Variants in CAND2 observed in about 807,000 individuals in gnomAD.
CAND2 encodes the protein cullin associated and neddylation dissociated 2 (putative).
In CAND2, 62 loss-of-function variants were observed where a neutral mutation model predicts 98.9. The observed-to-expected ratio is 0.63, with a 90% CI of 0.51 to 0.77. The LOEUF (loss-of-function observed/expected upper bound fraction) is 0.77, where lower values mean the gene tolerates loss of function less well. Ranked by LOEUF, CAND2 falls within the 30% of genes least tolerant of loss-of-function variation. The pLI is 0.00. For missense variants in CAND2, 1,501 were observed against 1,655.2 expected, an observed-to-expected ratio of 0.91 and a Z score of 1.62; for synonymous variants, 770 against 731.9, an observed-to-expected ratio of 1.05 and a Z score of -0.84.
intron 14 of CAND2, among the ~76,000 whole-genome samples, chr3:12,833,226 G>A (rs571052489): frequency 1.3e-5 from 2 of 152,306 alleles, no homozygotes; most frequent in South Asian, 4.1e-4. Context: ...GGAGATGGTG[G>A]GGGAAGAGGA....
At chr3:12,831,709 G>A in intron 14 of CAND2, 137 bp downstream of exon 14, 1 of 606,660 alleles carries the variant, frequency 1.6e-6, no homozygotes, top group Non-Finnish European at 2.9e-6. Flanking sequence ...CATTGTCATT[G>A]CCCTATAAAG....
At chr3:12,833,659 A>T in intron 14 of CAND2, 96 bp from the exon 15 acceptor site, 1 of 936,692 alleles carries the variant, frequency 1.1e-6, no homozygotes, top group Non-Finnish European at 1.7e-6. Flanking sequence ...GTTGGGGAAG[A>T]TGATGGGGCA....
intron 1 of CAND2, among the ~76,000 whole-genome samples, chr3:12,800,202 C>T (rs766296691): frequency 6.6e-5 from 10 of 152,238 alleles, no homozygotes; most frequent in African/African-American, 9.6e-5. Flanking sequence ...ATGCTGCCAG[C>T]CCAGCCTCCT....
chr3:12,820,979 A>T (rs1217120175), intron 11 of CAND2, among the ~76,000 whole-genome samples: 12 of 152,192 alleles, frequency 7.9e-5, no homozygotes, highest in Non-Finnish European at 1.3e-4. Flanking sequence ...CTCGCCTGTA[A>T]TCCCAGCACT....
At position 12,817,545 on chromosome 3, in the gene CAND2, G is replaced by T. The variant is rs765718695; in HGVS notation, c.2613G>T (p.Gly871=). 1.2e-6 allele frequency: 2 copies of T among 1,613,784 alleles called. No individual in the cohort carries two copies. The highest frequency in any genetic ancestry group is 1.7e-6 in the Non-Finnish European group (2 of 1,180,028). The change falls in exon 10 of 15, where the codon GGG becomes GGT. Residue 871 remains glycine, a synonymous_variant. Transcript: ENST00000456430. ...AGGCGGTGCTCCTGGAAGCTTTGGG[G>T]TCACCCAGTGAGGATGTGAGGGCTG... The part of the protein sequence containing the change: ...ELKAVLLEAL[G]SPSEDVRAAA...
At chr3:12,827,878 G>A (rs2062017037) in intron 13 of CAND2, among the ~76,000 whole-genome samples, 1 of 152,068 alleles carries the variant, frequency 6.6e-6, no homozygotes, top group Non-Finnish European at 1.5e-5. Flanking sequence ...AGCACTTTGG[G>A]AGGCTGAGGC....
intron 13 of CAND2, among the ~76,000 whole-genome samples, chr3:12,829,932 C>T (rs528721899): frequency 6.6e-6 from 1 of 152,330 alleles, no homozygotes; most frequent in South Asian, 2.1e-4. Context: ...ATGTTATTTG[C>T]ACATTTTCAC....
intron 5 of CAND2, among the ~76,000 whole-genome samples, chr3:12,812,661 C>A (rs926817854): frequency 2.0e-5 from 3 of 152,020 alleles, no homozygotes; most frequent in Non-Finnish European, 4.4e-5. Flanking sequence ...GCCTCGGCCT[C>A]CCATAGTGCT....
intron 11 of CAND2, among the ~76,000 whole-genome samples, chr3:12,822,406 C>T (rs1036969690): frequency 2.0e-5 from 3 of 151,932 alleles, no homozygotes; most frequent in Non-Finnish European, 4.4e-5. Context: ...AATCCTCCCA[C>T]TTGAGCCTCC....
At chr3:12,797,887 C>T (rs1298768853) in intron 1 of CAND2, among the ~76,000 whole-genome samples, 1 of 152,086 alleles carries the variant, frequency 6.6e-6, no homozygotes, top group Non-Finnish European at 1.5e-5. Context: ...CAGACCTGCT[C>T]TGGTGGTCTG....
In CAND2 at chr3:12,833,874, C is replaced by T. The variant is rs779513032; in HGVS notation, c.3603C>T (p.Ala1201=). The T allele has an allele frequency of 1.2e-5, 19 of 1,614,068 alleles. No individual in the cohort carries two copies. Among genetic ancestry groups the T allele is most frequent in the South Asian group, 2.2e-5 (2 of 91,082 alleles). ...IPEVGKSPIM[A]DFSSQIRSNP... ...AGGTGGGGAAAAGCCCCATCATGGCCGACTTCTCTTCCCAAATCAGATCCA... is the reference window on the plus strand; with the variant it reads ...AGGTGGGGAAAAGCCCCATCATGGCTGACTTCTCTTCCCAAATCAGATCCA... Residue 1201 remains alanine (A), a synonymous_variant, in exon 15 of 15, where the codon GCC becomes GCT. Coordinates refer to ENST00000456430, the MANE Select transcript of CAND2 (RefSeq NM_001162499.2).
At chr3:12,814,787 G>A (rs763389078) in intron 7 of CAND2, among the ~76,000 whole-genome samples, 2 of 152,150 alleles carry the variant, frequency 1.3e-5, no homozygotes, top group Non-Finnish European at 2.9e-5. Context: ...AGGGTCTGGA[G>A]GCAGAGGGGA....
chr3:12,804,832 G>T (rs2061794092), intron 2 of CAND2, among the ~76,000 whole-genome samples: 1 of 152,284 alleles, frequency 6.6e-6, no homozygotes, highest in South Asian at 2.1e-4. Flanking sequence ...GCATGTTAAT[G>T]AATTTGCAAT....
At chr3:12,810,857 G>T (rs78918296) in intron 5 of CAND2, among the ~76,000 whole-genome samples, 3,470 of 152,270 alleles carry the variant, frequency 0.023, 123 homozygotes, top group African/African-American at 0.077. Flanking sequence ...GTGTATATCC[G>T]TGAAACCTTT....
chr3:12,807,321 G>T lies in CAND2; in HGVS notation c.228G>T (p.Val76=). The part of the protein sequence containing the change: ...NLAVKCLGPL[V]VKVKEYQVET... ...CCCTGCTCAGCCTGGGTCCTCTGGT[G>T]GTCAAAGTGAAGGAGTACCAGGTGG... is the stretch of plus-strand genomic sequence containing the variant. Residue 76 remains valine (V), a synonymous_variant, in exon 3 of 15, where the codon GTG becomes GTT. Transcript: ENST00000456430. The T allele has an allele frequency of 6.4e-7, 1 of 1,551,460 alleles. No homozygotes were observed. Among genetic ancestry groups the T allele is most frequent in the Non-Finnish European group, 8.7e-7 (1 of 1,146,850 alleles).
intron 1 of CAND2, among the ~76,000 whole-genome samples, chr3:12,798,958 G>C (rs201233883): frequency 4.6e-5 from 1 of 21,886 alleles, no homozygotes; most frequent in East Asian, 6.2e-4. Context: ...GTGGGGTGGA[G>C]GGAGACCTTT....
chr3:12,797,597 C>A (rs2124828190), intron 1 of CAND2, among the ~76,000 whole-genome samples: 1 of 152,308 alleles, frequency 6.6e-6, no homozygotes, highest in South Asian at 2.1e-4. Flanking sequence ...CACCTGCATT[C>A]CCTGGGGAAA....
Position 12,817,159 on chromosome 3 carries a change from C to T in CAND2, c.2227C>T (p.Leu743=). The T allele has an allele frequency of 6.2e-7, 1 of 1,612,916 alleles. No homozygotes were observed. Among genetic ancestry groups the T allele is most frequent in the Non-Finnish European group, 8.5e-7 (1 of 1,179,978 alleles). The change falls in exon 10 of 15, where the codon CTG becomes TTG. Residue 743 remains leucine, a synonymous_variant. Coordinates refer to ENST00000456430, the MANE Select transcript of CAND2 (RefSeq NM_001162499.2). ...CCCTGTGCTCTCAGAGCTGCTGCGG[C>T]TGCTGCGTTCGCCCCTGTTGCCAGC... ...SGPVLSELLR[L]LRSPLLPAGV...
In CAND2 at chr3:12,813,256, G is replaced by A; in HGVS notation, c.874G>A (p.Glu292Lys). The A allele has an allele frequency of 6.2e-7, 1 of 1,613,420 alleles. No homozygotes were observed. The change falls in exon 7 of 15, where the codon GAA (glutamate) becomes AAA (lysine). Residue 292 changes from glutamate to lysine, a missense_variant. By Grantham distance (56) the Glu-to-Lys change is moderately conservative (BLOSUM62 1). This residue lies in a region of CAND2 where 1,427 missense variants were observed against 1,545.3 expected (regional missense o/e 0.92). Coordinates refer to ENST00000456430, the MANE Select transcript of CAND2 (RefSeq NM_001162499.2). ...CATCCTGCCCCACAGGTGCCCCAAG[G>A]AAATGGGTCCTCACGTGCCCAACGT... Reference protein sequence around the residue: ...FEAFLRKCPKEMGPHVPNVTS... With the variant: ...FEAFLRKCPKKMGPHVPNVTS...
Sources: allele counts gnomAD v4.1 joint callset (sites outside exome capture counted in the v4.1 genomes callset), GRCh38; gene constraint gnomAD v4.1.1; regional missense constraint gnomAD v4.1.1; transcripts MANE v1.5; gene names NCBI Gene and HGNC (gene_info 2026-07-23, HGNC 2026-07-21).